Variants in ABCC4 observed in about 807,000 individuals in gnomAD.
ABCC4 encodes the protein ATP-binding cassette sub-family C member 4.
ABCC4 carries 102 observed loss-of-function variants against 168.5 expected under a neutral mutation model. The ratio of observed to expected loss-of-function variants is 0.61; its 90% CI spans 0.52 to 0.71. ABCC4 has a LOEUF of 0.71. ABCC4 is among the 30% of genes least tolerant of loss of function. The probability of loss-of-function intolerance (pLI) is 0.00; values close to 1 mark genes in which losing one functional copy is unlikely to be tolerated. For missense variants in ABCC4, 1,402 were observed against 1,605.8 expected (o/e 0.87, Z 2.17); for synonymous variants, 617 against 590.7 (o/e 1.04, Z -0.65).
At chr13:95,071,085 C>CTCT (rs2033708458) in intron 25 of ABCC4, among the ~76,000 whole-genome samples, 1 of 151,636 alleles carries the variant, frequency 6.6e-6, no homozygotes, top group Non-Finnish European at 1.5e-5. Flanking sequence ...CACAAACTCT[C>CTCT]TTTGCCTGCT....
At chr13:95,063,700 A>G (rs2033388277) in intron 25 of ABCC4, among the ~76,000 whole-genome samples, 2 of 152,372 alleles carry the variant, frequency 1.3e-5, no homozygotes, top group South Asian at 4.1e-4. Flanking sequence ...GCCAAGACAG[A>G]GAGAAATGAA....
At chr13:95,294,192 T>C (rs7333775) in intron 1 of ABCC4, among the ~76,000 whole-genome samples, 35 of 151,514 alleles carry the variant, frequency 2.3e-4, no homozygotes, top group African/African-American at 8.5e-4. Flanking sequence ...AAATACAAAA[T>C]AAATAAATAA....
intron 1 of ABCC4, among the ~76,000 whole-genome samples, chr13:95,258,527 A>G (rs1247750402): frequency 6.6e-6 from 1 of 152,082 alleles, no homozygotes; most frequent in Non-Finnish European, 1.5e-5. Context: ...TTCTTTACCC[A>G]TTTACTACAA....
intron 1 of ABCC4, among the ~76,000 whole-genome samples, chr13:95,268,581 C>A (rs530994597): frequency 1.3e-5 from 2 of 152,318 alleles, no homozygotes; most frequent in Admixed American, 6.5e-5. Flanking sequence ...ATTCCATCTA[C>A]TGAGATAGGA....
intron 4 of ABCC4, among the ~76,000 whole-genome samples, chr13:95,224,023 C>A (rs1453835182): frequency 1.3e-5 from 2 of 149,750 alleles, no homozygotes; most frequent in Non-Finnish European, 3.0e-5. Context: ...GAGAATAAGT[C>A]AAAAAAAACT....
chr13:95,207,509 T>G (rs1353180610), intron 7 of ABCC4, among the ~76,000 whole-genome samples: 1 of 152,252 alleles, frequency 6.6e-6, no homozygotes, highest in African/African-American at 2.4e-5. Context: ...TCTCAAATAC[T>G]AACATCTTAG....
intron 10 of ABCC4, among the ~76,000 whole-genome samples, chr13:95,188,092 C>G (rs540957299): frequency 1.1e-4 from 17 of 152,306 alleles, no homozygotes; most frequent in African/African-American, 2.4e-4. Flanking sequence ...TTCAGACAAG[C>G]CTTCATAACC....
chr13:95,243,684 C>G (rs1466665177), intron 3 of ABCC4, among the ~76,000 whole-genome samples: 1 of 152,080 alleles, frequency 6.6e-6, no homozygotes, highest in Non-Finnish European at 1.5e-5. Flanking sequence ...CTCAGGAGTT[C>G]TAGACCGGCC....
chr13:95,075,017 A>C (rs2033849478), intron 22 of ABCC4: 2 of 162,614 alleles, frequency 1.2e-5, no homozygotes, highest in African/African-American at 4.8e-5. Context: ...TTTGTAAATA[A>C]AGTTTTATTG....
chr13:95,097,260 C>T (rs192310617), intron 20 of ABCC4, among the ~76,000 whole-genome samples: 1 of 152,086 alleles, frequency 6.6e-6, no homozygotes, highest in East Asian at 1.9e-4. Flanking sequence ...AGGAAAAGAA[C>T]ATATGAGACT....
chr13:95,039,984 T>C (rs139779342), intron 29 of ABCC4, among the ~76,000 whole-genome samples: 115 of 152,236 alleles, frequency 7.6e-4, no homozygotes, highest in African/African-American at 2.6e-3. Flanking sequence ...TGGGCCACCA[T>C]GATGAAAGGG....
chr13:95,039,445 T>A (rs549789682), intron 29 of ABCC4, among the ~76,000 whole-genome samples: 1 of 152,312 alleles, frequency 6.6e-6, no homozygotes, highest in South Asian at 2.1e-4. Context: ...AATTTGTATC[T>A]TCATATCTTC....
intron 30 of ABCC4, among the ~76,000 whole-genome samples, chr13:95,023,685 C>A (rs1179356611): frequency 6.6e-6 from 1 of 152,214 alleles, no homozygotes; most frequent in Admixed American, 6.5e-5. Context: ...ATGAATGCTG[C>A]TCAGAGAAGT....
intron 29 of ABCC4, 74 bp from the exon 30 acceptor site, chr13:95,034,813 C>T (rs36085906): frequency 2.2e-5 from 35 of 1,599,446 alleles, no homozygotes; most frequent in East Asian, 2.0e-4. Context: ...GACAATATTT[C>T]GGAAAGGGGC....
intron 21 of ABCC4, 56 bp from the exon 22 acceptor site, chr13:95,075,607 G>A (rs11568672): frequency 0.12 from 193,321 of 1,607,236 alleles, 13,288 homozygotes; most frequent in Admixed American, 0.17. Flanking sequence ...AAAAACCTGC[G>A]GCCTCCCAAG....
chr13:95,209,672 C>T, intron 5 of ABCC4, 75 bp from the exon 6 acceptor site: 1 of 1,377,142 alleles, frequency 7.3e-7, no homozygotes, highest in South Asian at 1.5e-5. Context: ...CAGAAACGAT[C>T]CACTGGAAAA....
At chr13:95,074,839 T>C (rs937947473) in intron 22 of ABCC4, among the ~76,000 whole-genome samples, 29 of 152,292 alleles carry the variant, frequency 1.9e-4, no homozygotes, top group African/African-American at 7.0e-4. Context: ...CTTTTTTCCT[T>C]TTAGCATGTG....
intron 14 of ABCC4, among the ~76,000 whole-genome samples, chr13:95,167,109 G>A (rs895802670): frequency 2.6e-5 from 4 of 151,800 alleles, no homozygotes; most frequent in African/African-American, 9.7e-5. Context: ...CCCAGAAGGC[G>A]GAGGTTGCAG....
chr13:95,278,748 G>A (rs1257053605), intron 1 of ABCC4, among the ~76,000 whole-genome samples: 1 of 135,984 alleles, frequency 7.4e-6, no homozygotes, highest in Non-Finnish European at 1.5e-5. Flanking sequence ...AGGCTGCAGT[G>A]AGCTATGATC....
Sources: allele counts gnomAD v4.1 joint callset (sites outside exome capture counted in the v4.1 genomes callset), GRCh38; gene constraint gnomAD v4.1.1; transcripts MANE v1.5; gene names NCBI Gene and HGNC (gene_info 2026-07-23, HGNC 2026-07-21).